SNX29: variants seen among roughly 807,000 people sequenced by gnomAD.
SNX29 encodes the protein sorting nexin-29.
A neutral mutation model predicts 102.1 loss-of-function variants in SNX29; 78 were observed. The observed-to-expected ratio is 0.76, with a 90% CI of 0.64 to 0.92. The LOEUF (loss-of-function observed/expected upper bound fraction) is 0.92, where lower values mean the gene tolerates loss of function less well. Ranked by LOEUF, SNX29 falls within the 40% of genes least tolerant of loss-of-function variation. The probability of loss-of-function intolerance (pLI) is 0.00; values close to 1 mark genes in which losing one functional copy is unlikely to be tolerated. For missense variants in SNX29, 1,280 were observed against 1,061.7 expected, an observed-to-expected ratio of 1.21 and a Z score of -2.86; for synonymous variants, 580 against 414.5, an observed-to-expected ratio of 1.40 and a Z score of -4.85.
intron 17 of SNX29, among the ~76,000 whole-genome samples, chr16:12,401,703 A>G (rs1306414298): frequency 6.6e-6 from 1 of 152,238 alleles, no homozygotes; most frequent in East Asian, 1.9e-4. Context: ...TCTCTCTCCC[A>G]TGTTAAAACT....
At chr16:12,547,419 G>A (rs1215779621) in intron 20 of SNX29, among the ~76,000 whole-genome samples, 3 of 152,192 alleles carry the variant, frequency 2.0e-5, no homozygotes, top group East Asian at 1.9e-4. Flanking sequence ...AGGGGACCAT[G>A]TGGGCACCCC....
chr16:12,433,180 G>C (rs1247194013), intron 18 of SNX29, among the ~76,000 whole-genome samples: 2 of 152,210 alleles, frequency 1.3e-5, no homozygotes, highest in Non-Finnish European at 2.9e-5. Flanking sequence ...TCTACATCTT[G>C]GTTAGCCACA....
At chr16:12,094,955 T>A (rs1262317909) in intron 11 of SNX29, 1 of 151,834 alleles carries the variant, frequency 6.6e-6, no homozygotes, top group Non-Finnish European at 1.5e-5. Context: ...CAGGGAGCAT[T>A]TGTTTGTGTG....
chr16:12,557,969 T>G (rs75878473), intron 20 of SNX29, among the ~76,000 whole-genome samples: 1,987 of 152,168 alleles, frequency 0.013, 38 homozygotes, highest in African/African-American at 0.045. Context: ...CCTGTGGGTC[T>G]TCTGCTTAAG....
At chr16:12,462,533 A>G (rs930573872) in intron 18 of SNX29, among the ~76,000 whole-genome samples, 1 of 152,228 alleles carries the variant, frequency 6.6e-6, no homozygotes, top group African/African-American at 2.4e-5. Flanking sequence ...CCATTCAGAA[A>G]TAGCAGCCAC....
intron 15 of SNX29, among the ~76,000 whole-genome samples, chr16:12,312,712 C>G (rs1454707509): frequency 2.0e-5 from 3 of 151,850 alleles, no homozygotes; most frequent in East Asian, 1.9e-4. Flanking sequence ...TCCAAGTGGT[C>G]CTATTGCTTA....
intron 19 of SNX29, among the ~76,000 whole-genome samples, chr16:12,487,505 TGTAAGTG>T: frequency 6.6e-6 from 1 of 152,112 alleles, no homozygotes; most frequent in East Asian, 1.9e-4. Flanking sequence ...TCCCGTAGCT[TGTAAGTG>T]CCGGAGCCAG....
intron 11 of SNX29, among the ~76,000 whole-genome samples, chr16:12,090,928 T>G (rs1264291949): frequency 7.4e-6 from 1 of 135,072 alleles, no homozygotes; most frequent in Non-Finnish European, 1.5e-5. Context: ...GGCAGGAGAA[T>G]CACTTGAACC....
At chr16:12,289,269 C>T (rs1483829510) in intron 15 of SNX29, among the ~76,000 whole-genome samples, 1 of 152,180 alleles carries the variant, frequency 6.6e-6, no homozygotes, top group Non-Finnish European at 1.5e-5. Context: ...GGAGAAGGGT[C>T]CACTACTGGC....
chr16:12,571,685 C>T lies in SNX29; in HGVS notation c.*3056C>T, dbSNP rs1048346653. ...GTAGGGCTGGGCAGAGGTGTCTCTC[C>T]TTGAGAGACAACAAAAGCTTCTAAG... On this transcript the variant is annotated 3_prime_UTR_variant, in exon 21 of 21. Transcript: ENST00000566228. 50 of 1,058,784 alleles carry T rather than the reference C, an allele frequency of 4.7e-5. No homozygotes were observed. In the African/African-American group the frequency reaches 5.6e-4, roughly 12 times the overall value. The allele number at this position is 1,058,784 out of a possible 1,614,324, so 65.6% of individuals were successfully genotyped here. A position where few individuals can be genotyped will look rare whatever the true frequency, so the allele number is the denominator to read the frequency against.
rs374185426 is a variant in SNX29, at chr16:12,381,846, A to G, written c.1900-16600A>G. On this transcript the variant is annotated intron_variant, in intron 16 of 20. Transcript: ENST00000566228. ...CCCATCATCCATCCACTCACCCATT[A>G]TCCATCCACTCACCCACTCACCCAT... is the stretch of plus-strand genomic sequence containing the variant. Among the ~76,000 whole-genome samples the G allele has an allele frequency of 1.6e-4, 22 of 140,626 alleles. No homozygotes were observed. In the East Asian group the frequency reaches 3.4e-3, roughly 22 times the overall value. 92.3% of individuals were successfully genotyped at this position (140,626 alleles called of 152,430 possible). A position where few individuals can be genotyped will look rare whatever the true frequency, so the allele number is the denominator to read the frequency against.
At chr16:12,408,328 A>G (rs2084258656) in intron 18 of SNX29, among the ~76,000 whole-genome samples, 1 of 152,236 alleles carries the variant, frequency 6.6e-6, no homozygotes, top group African/African-American at 2.4e-5. Context: ...ACTTTTCCAT[A>G]GGACCTCTCT....
intron 13 of SNX29, among the ~76,000 whole-genome samples, chr16:12,184,558 T>C (rs747117316): frequency 2.6e-5 from 4 of 152,214 alleles, no homozygotes; most frequent in South Asian, 4.1e-4. Flanking sequence ...TCCCTCATGG[T>C]CTTCAAACTC....
At chr16:12,398,743 T>G (rs6498290) in intron 17 of SNX29, among the ~76,000 whole-genome samples, 28,805 of 151,574 alleles carry the variant, frequency 0.19, 3,126 homozygotes, top group African/African-American at 0.28. Flanking sequence ...ACATTTAGAA[T>G]TTGGAAGCTA....
At chr16:12,349,584 A>T (rs759765473) in intron 15 of SNX29, among the ~76,000 whole-genome samples, 1 of 152,226 alleles carries the variant, frequency 6.6e-6, no homozygotes, top group Non-Finnish European at 1.5e-5. Flanking sequence ...TGGGATGCTC[A>T]TCCTGTAAGT....
chr16:12,509,949 C>T (rs2089538603), intron 19 of SNX29, among the ~76,000 whole-genome samples: 1 of 152,260 alleles, frequency 6.6e-6, no homozygotes, highest in Non-Finnish European at 1.5e-5. Flanking sequence ...TTGTTTCCTT[C>T]CAGAATATGT....
intron 13 of SNX29, among the ~76,000 whole-genome samples, chr16:12,157,070 C>T (rs530557254): frequency 7.9e-5 from 12 of 152,246 alleles, no homozygotes; most frequent in South Asian, 4.1e-4. Flanking sequence ...AGGGAAGGAA[C>T]GGCAGTCAGG....
intron 15 of SNX29, among the ~76,000 whole-genome samples, chr16:12,340,010 A>G (rs1387389302): frequency 6.6e-6 from 1 of 152,242 alleles, no homozygotes; most frequent in African/African-American, 2.4e-5. Flanking sequence ...AGAGAAAAAG[A>G]GAGATGTTCA....
In SNX29 at chr16:12,048,389, T is replaced by A; in HGVS notation, c.517T>A (p.Phe173Ile). The A allele has an allele frequency of 6.2e-7, 1 of 1,613,910 alleles. No homozygotes were observed. ...TMAAGLNSILFAINIDNKDLN... is the reference protein window; with the variant it reads ...TMAAGLNSILIAINIDNKDLN... ...TTGGGCAGGTCTGAACTCCATACTC[T>A]TTGCGATTAACATCGACAACAAGGA... The change falls in exon 7 of 21, where the codon TTT becomes ATT. Residue 173 changes from phenylalanine to isoleucine, a missense_variant. Coordinates refer to ENST00000566228, the MANE Select transcript of SNX29 (RefSeq NM_032167.5).
Sources: gnomAD v4.1 joint callset for allele counts (sites outside exome capture counted in the v4.1 genomes callset) on GRCh38, gnomAD v4.1.1 for gene constraint, MANE v1.5 for transcripts, NCBI Gene and HGNC (gene_info 2026-07-23, HGNC 2026-07-21) for gene names.